The following CCDC148 variants were observed in gnomAD, a reference collection of about 807,000 sequenced individuals.
The protein encoded by CCDC148 is coiled-coil domain-containing protein 148.
CCDC148 carries 89 observed loss-of-function variants against 85.7 expected under a neutral mutation model. The ratio of observed to expected loss-of-function variants is 1.04; its 90% CI spans 0.87 to 1.24. CCDC148 has a LOEUF of 1.24. Ranked by LOEUF, CCDC148 falls within the 50% of genes most tolerant of loss-of-function variation. The probability of loss-of-function intolerance (pLI) is 0.00; values close to 1 mark genes in which losing one functional copy is unlikely to be tolerated. For synonymous variants in CCDC148, 230 were observed against 213.9 expected, an observed-to-expected ratio of 1.08 and a Z score of -0.66; for missense variants, 692 against 671.7, an observed-to-expected ratio of 1.03 and a Z score of -0.33.
At position 158,353,774 on chromosome 2, in the gene CCDC148, AT is replaced by A. The variant is rs1354742879; in HGVS notation, c.147+4674del. Among the ~76,000 whole-genome samples, 3 of 152,172 alleles carry A rather than the reference AT, an allele frequency of 2.0e-5. No individual in the cohort carries two copies. In the East Asian group the frequency reaches 5.8e-4, roughly 29 times the overall value. Reference sequence around the variant, plus strand: ...TCCACCCCAAATCAACAGAATATACATTTTTTTCAGCACCACACCACACCTA... The same window carrying A: ...TCCACCCCAAATCAACAGAATATACATTTTTTCAGCACCACACCACACCTA... On this transcript the variant is annotated intron_variant, in intron 2 of 13. Coordinates refer to ENST00000283233, the MANE Select transcript of CCDC148 (RefSeq NM_138803.4).
chr2:158,288,394 T>C (rs1465488184), intron 9 of CCDC148, among the ~76,000 whole-genome samples: 1 of 152,236 alleles, frequency 6.6e-6, no homozygotes, highest in South Asian at 2.1e-4. Context: ...GTTTCCCTTT[T>C]AAAACTGAAT....
chr2:158,424,416 A>G (rs1686970064), intron 1 of CCDC148, among the ~76,000 whole-genome samples: 1 of 152,160 alleles, frequency 6.6e-6, no homozygotes, highest in South Asian at 2.1e-4. Context: ...TGTCCTTTGT[A>G]GGGACATGGA....
At chr2:158,278,795 T>C (rs1690100610) in intron 9 of CCDC148, among the ~76,000 whole-genome samples, 1 of 152,248 alleles carries the variant, frequency 6.6e-6, no homozygotes, top group Non-Finnish European at 1.5e-5. Context: ...AGCACGCGGA[T>C]GGAGATCTGA....
chr2:158,430,885 A>G (rs1282948310), intron 1 of CCDC148, among the ~76,000 whole-genome samples: 1 of 152,106 alleles, frequency 6.6e-6, no homozygotes, highest in African/African-American at 2.4e-5. Context: ...AACATAATAA[A>G]AAATGAAAGA....
intron 9 of CCDC148, among the ~76,000 whole-genome samples, chr2:158,258,075 A>G (rs537835259): frequency 1.3e-5 from 2 of 152,000 alleles, no homozygotes; most frequent in East Asian, 3.9e-4. Context: ...TGTCTAAACA[A>G]TTCATTAACT....
chr2:158,266,952 GTA>G (rs748291864), intron 9 of CCDC148, among the ~76,000 whole-genome samples: 168 of 147,880 alleles, frequency 1.1e-3, no homozygotes, highest in South Asian at 1.7e-3. Flanking sequence ...ATGTGTGTGT[GTA>G]TATATATATA....
At chr2:158,381,243 T>G (rs767783227) in intron 1 of CCDC148, among the ~76,000 whole-genome samples, 7 of 152,082 alleles carry the variant, frequency 4.6e-5, no homozygotes, top group Non-Finnish European at 8.8e-5. Flanking sequence ...TACATATGTA[T>G]ATATTAAAGC....
At chr2:158,238,164 T>C (rs1017092150) in intron 10 of CCDC148, among the ~76,000 whole-genome samples, 4 of 152,032 alleles carry the variant, frequency 2.6e-5, no homozygotes, top group Admixed American at 2.0e-4. Flanking sequence ...GAGGGTAGTT[T>C]ATAGATGAAG....
chr2:158,264,649 C>T (rs1443359646), intron 9 of CCDC148, among the ~76,000 whole-genome samples: 3 of 151,912 alleles, frequency 2.0e-5, no homozygotes, highest in Admixed American at 6.6e-5. Flanking sequence ...GCTATTATAT[C>T]CATGCACAGG....
chr2:158,383,276 C>T (rs1180401367), intron 1 of CCDC148, among the ~76,000 whole-genome samples: 1 of 151,464 alleles, frequency 6.6e-6, no homozygotes, highest in African/African-American at 2.4e-5. Flanking sequence ...GAGATCACAC[C>T]ACTGCACTCA....
rs140593763 is a variant in CCDC148 at position 158,197,873 on chromosome 2, TC to T, written c.1371-18878del. 2.6e-5 allele frequency among the ~76,000 whole-genome samples: 4 copies of T among 152,186 alleles called. No homozygotes were observed. In the East Asian group the frequency reaches 7.7e-4, roughly 29 times the overall value. ...AAAAGGTAAAAACCACTAAATGCAT[TC>T]ATTAACTGGTTAATGCAATTAATTC... On this transcript the variant is annotated intron_variant, in intron 11 of 13. Transcript: ENST00000283233.
At chr2:158,196,133 A>C (rs2105277692) in intron 11 of CCDC148, among the ~76,000 whole-genome samples, 1 of 152,316 alleles carries the variant, frequency 6.6e-6, no homozygotes, top group South Asian at 2.1e-4. Context: ...GTCGTTAAAC[A>C]CAGGCATTAT....
At chr2:158,386,113 C>A (rs571746279) in intron 1 of CCDC148, among the ~76,000 whole-genome samples, 3 of 151,930 alleles carry the variant, frequency 2.0e-5, no homozygotes, top group Admixed American at 6.6e-5. Context: ...TATGTATCAG[C>A]GGTTGGGGGG....
intron 9 of CCDC148, among the ~76,000 whole-genome samples, chr2:158,273,877 A>C (rs1337688000): frequency 6.6e-6 from 1 of 152,124 alleles, no homozygotes; most frequent in African/African-American, 2.4e-5. Flanking sequence ...CAACCAAAAA[A>C]AAATATTACA....
At chr2:158,289,667 G>A (rs1690796620) in intron 9 of CCDC148, among the ~76,000 whole-genome samples, 1 of 152,188 alleles carries the variant, frequency 6.6e-6, no homozygotes, top group Non-Finnish European at 1.5e-5. Flanking sequence ...GGAAAAAAAT[G>A]CAGTGGTACC....
intron 1 of CCDC148, among the ~76,000 whole-genome samples, chr2:158,386,351 A>G (rs1030721976): frequency 3.9e-5 from 6 of 152,078 alleles, no homozygotes; most frequent in African/African-American, 1.4e-4. Context: ...TTAATTTCTG[A>G]GATTGTGTAT....
At position 158,172,099 on chromosome 2, in the gene CCDC148, T is replaced by G; in HGVS notation, c.*14A>C. 6.4e-7 allele frequency: 1 copy of G among 1,562,064 alleles called. No individual in the cohort carries two copies. The highest frequency in any genetic ancestry group is 8.6e-7 in the Non-Finnish European group (1 of 1,157,160). On this transcript the variant is annotated 3_prime_UTR_variant, in exon 14 of 14. Coordinates refer to ENST00000283233, the MANE Select transcript of CCDC148 (RefSeq NM_138803.4). ...AGAAAAATGCTCTTTACATATAGAA[T>G]TTGAGGATGAGCTCTATATTTTAAA...
At chr2:158,384,765 A>C (rs1014399232) in intron 1 of CCDC148, among the ~76,000 whole-genome samples, 2 of 152,144 alleles carry the variant, frequency 1.3e-5, no homozygotes, top group African/African-American at 4.8e-5. Flanking sequence ...ATTATCCCAA[A>C]TTTAGCCAGT....
chr2:158,278,563 G>C (rs541966141), intron 9 of CCDC148, among the ~76,000 whole-genome samples: 3 of 152,186 alleles, frequency 2.0e-5, no homozygotes, highest in Admixed American at 2.0e-4. Context: ...AGGTGGCAGC[G>C]AGGCTGGGGG....
Sources: gnomAD v4.1 joint callset for allele counts (sites outside exome capture counted in the v4.1 genomes callset) on GRCh38, gnomAD v4.1.1 for gene constraint, MANE v1.5 for transcripts, NCBI Gene and HGNC (gene_info 2026-07-23, HGNC 2026-07-21) for gene names.